The following AP3D1 variants were observed in gnomAD, a reference collection of about 807,000 sequenced individuals.
AP3D1 encodes the protein AP-3 complex subunit delta-1.
In AP3D1, 51 loss-of-function variants were observed where a neutral mutation model predicts 147.6. The observed-to-expected ratio is 0.35, with a 90% confidence interval of 0.28 to 0.44. The LOEUF (loss-of-function observed/expected upper bound fraction) is 0.44, where lower values mean the gene tolerates loss of function less well. AP3D1 is among the 20% of genes least tolerant of loss of function. AP3D1 has a pLI of 1.00. For missense variants in AP3D1, 1,421 were observed against 1,624.2 expected, an observed-to-expected ratio of 0.87 and a Z score of 2.15; for synonymous variants, 760 against 663.0, an observed-to-expected ratio of 1.15 and a Z score of -2.25.
chr19:2,115,476 G>T, intron 19 of AP3D1, 58 bp from the exon 20 acceptor site: 1 of 1,608,468 alleles, frequency 6.2e-7, no homozygotes, highest in Admixed American at 1.7e-5. Context: ...CACGGGGAGG[G>T]CGGCGGGAGC....
At position 2,109,403 on chromosome 19, in the gene AP3D1, A is replaced by G. The variant is rs190835916; in HGVS notation, c.3351-196T>C. ...CCGTCACACCCAGAAACTGACAATG[A>G]CTTGTCTTTAAAGAGGTCACAGAGG... On this transcript the variant is annotated intron_variant, in intron 29 of 31. Transcript: ENST00000643116. 83 of 678,476 alleles carry G rather than the reference A, an allele frequency of 1.2e-4. 1 individual carries two copies. Among genetic ancestry groups the G allele is most frequent in the African/African-American group, 9.1e-4 (50 of 54,822 alleles). 42.0% of individuals were successfully genotyped at this position (678,476 alleles called of 1,614,324 possible).
chr19:2,143,650 A>G (rs1008978276), intron 1 of AP3D1, among the ~76,000 whole-genome samples: 3 of 152,098 alleles, frequency 2.0e-5, no homozygotes, highest in African/African-American at 7.2e-5. Flanking sequence ...TCGTGTAGTC[A>G]CAGCTACTTG....
At chr19:2,147,081 AC>A (rs1251604669) in intron 1 of AP3D1, among the ~76,000 whole-genome samples, 1 of 152,228 alleles carries the variant, frequency 6.6e-6, no homozygotes, top group African/African-American at 2.4e-5. Flanking sequence ...GTGGTGGCTC[AC>A]GCCTGTCATC....
chr19:2,133,832 G>A (rs62128400), intron 4 of AP3D1, among the ~76,000 whole-genome samples: 47,384 of 150,874 alleles, frequency 0.31, 8,869 homozygotes, highest in Non-Finnish European at 0.43. Context: ...CACAGTGGCC[G>A]TGCGCGGTGG....
intron 1 of AP3D1, among the ~76,000 whole-genome samples, chr19:2,143,713 G>A (rs192889217): frequency 2.0e-4 from 30 of 152,172 alleles, no homozygotes; most frequent in Admixed American, 1.8e-3. Context: ...GCTGTAGGGG[G>A]CCGCGATCGC....
At chr19:2,146,579 G>A (rs1259772695) in intron 1 of AP3D1, among the ~76,000 whole-genome samples, 1 of 150,644 alleles carries the variant, frequency 6.6e-6, no homozygotes, top group Admixed American at 6.6e-5. Flanking sequence ...ATTCCAGCCT[G>A]GGTGACAGAC....
At position 2,110,193 on chromosome 19, in the gene AP3D1, G is replaced by A; in HGVS notation, c.3207C>T (p.Thr1069=). The change falls in exon 28 of 32, where the codon ACC becomes ACT. Residue 1069 remains threonine (T), a synonymous_variant. Transcript: ENST00000643116. ...TCTGCGCCATGACGATGCTCTGGATGGTGAACACATACTGGGCTTCGTTGG... is the reference window on the plus strand; with the variant it reads ...TCTGCGCCATGACGATGCTCTGGATAGTGAACACATACTGGGCTTCGTTGG... ...GVSNEAQYVF[T]IQSIVMAQKL... 1 of 1,612,726 alleles carries A rather than the reference G, an allele frequency of 6.2e-7. No individual in the cohort carries two copies. The highest frequency in any genetic ancestry group is 8.5e-7 in the Non-Finnish European group (1 of 1,179,990).
intron 1 of AP3D1, among the ~76,000 whole-genome samples, chr19:2,143,632 G>A (rs117295673): frequency 0.011 from 1,696 of 152,108 alleles, 18 homozygotes; most frequent in Non-Finnish European, 0.017. Context: ...GCTGGGCGTG[G>A]TGGCACATCG....
At chr19:2,132,698 T>C (rs1599478853) in intron 4 of AP3D1, 120 bp from the exon 5 acceptor site, 1 of 745,846 alleles carries the variant, frequency 1.3e-6, no homozygotes, top group Admixed American at 2.3e-5. Context: ...CGGCATATCC[T>C]CTTGGGGTGC....
At chr19:2,108,636 C>T in intron 31 of AP3D1, 51 bp downstream of exon 31, 1 of 1,510,060 alleles carries the variant, frequency 6.6e-7, no homozygotes, top group Non-Finnish European at 9.0e-7. Flanking sequence ...CTGGGCATGA[C>T]CCCAGGAGAG....
upstream of AP3D1, among the ~76,000 whole-genome samples, chr19:2,156,565 A>C (rs2144597847): frequency 6.6e-6 from 1 of 152,034 alleles, no homozygotes; most frequent in African/African-American, 2.4e-5. Flanking sequence ...TTGAAAAAAA[A>C]CAGGGCAGGG....
intron 22 of AP3D1, 90 bp downstream of exon 22, chr19:2,114,035 G>A (rs1487381171): frequency 6.8e-7 from 1 of 1,473,284 alleles, no homozygotes; most frequent in Non-Finnish European, 9.0e-7. Context: ...CAGACTCACA[G>A]CCATTTCCCC....
chr19:2,146,508 G>A (rs1014293442), intron 1 of AP3D1, among the ~76,000 whole-genome samples: 1 of 151,606 alleles, frequency 6.6e-6, no homozygotes, highest in Non-Finnish European at 1.5e-5. Context: ...GGAGGCTGAG[G>A]CAGGAGAATC....
chr19:2,109,032 G>A lies in AP3D1; in HGVS notation c.3472+54C>T, dbSNP rs200642842. The A allele has an allele frequency of 1.4e-3, 2,167 of 1,599,022 alleles. 2 individuals are homozygous for A. The highest frequency in any genetic ancestry group is 1.8e-3 in the Non-Finnish European group (2,114 of 1,175,320). On this transcript the variant is annotated intron_variant, in intron 30 of 31. Coordinates refer to ENST00000643116, the MANE Select transcript of AP3D1 (RefSeq NM_001261826.3). ...GGCCCGGCTCCAATAGGAAGGGACA[G>A]CTGCCGCGTGCGTGAAAGCCCCGTG...
chr19:2,136,959 G>A, intron 4 of AP3D1, 52 bp downstream of exon 4: 1 of 1,506,396 alleles, frequency 6.6e-7, no homozygotes, highest in Non-Finnish European at 9.0e-7. Flanking sequence ...AGACGCTCCG[G>A]CAAGGGCAGA....
chr19:2,141,774 C>T (rs897603931), intron 1 of AP3D1, among the ~76,000 whole-genome samples: 1 of 151,124 alleles, frequency 6.6e-6, no homozygotes, highest in African/African-American at 2.4e-5. Flanking sequence ...GGGTCTTCCT[C>T]TATTGCACAG....
chr19:2,133,035 C>T (rs1013104125), intron 4 of AP3D1, among the ~76,000 whole-genome samples: 2 of 152,190 alleles, frequency 1.3e-5, no homozygotes, highest in Admixed American at 1.3e-4. Context: ...GGAAGGGCCA[C>T]CCCGGGTGCA....
At position 2,111,383 on chromosome 19, in the gene AP3D1, G is replaced by A. The variant is rs17604954; in HGVS notation, c.2938-51C>T. The A allele has an allele frequency of 0.15, 241,721 of 1,605,246 alleles. 19,408 individuals are homozygous for A. Among genetic ancestry groups the A allele is most frequent in the Non-Finnish European group, 0.17 (193,885 of 1,173,202 alleles). ...CTTGGGGGCCCCGAGCTCCGTCTCA[G>A]CGAAGACTCCAGTATGGCCCAATAC... On this transcript the variant is annotated intron_variant, in intron 25 of 31. Coordinates refer to ENST00000643116, the MANE Select transcript of AP3D1 (RefSeq NM_001261826.3).
chr19:2,128,103 G>A (rs371789816), intron 8 of AP3D1, among the ~76,000 whole-genome samples: 6 of 152,262 alleles, frequency 3.9e-5, no homozygotes, highest in East Asian at 1.9e-4. Flanking sequence ...CTCTGCCTGC[G>A]GCCCACTGCA....
Sources: gnomAD v4.1 joint callset for allele counts (sites outside exome capture counted in the v4.1 genomes callset) on GRCh38, gnomAD v4.1.1 for gene constraint, MANE v1.5 for transcripts, NCBI Gene and HGNC (gene_info 2026-07-23, HGNC 2026-07-21) for gene names.